Variants in MCPH1 observed in about 807,000 individuals in gnomAD.
The protein encoded by MCPH1 is microcephalin 1, also known as microcephalin.
MCPH1 carries 104 observed loss-of-function variants against 84.5 expected under a neutral mutation model. The observed-to-expected ratio is 1.23, with a 90% CI of 1.05 to 1.45. MCPH1 has a LOEUF of 1.45. MCPH1 is among the 40% of genes most tolerant of loss of function. The pLI is 0.00. For synonymous variants in MCPH1, 514 were observed against 366.8 expected (o/e 1.40, Z -4.58); for missense variants, 1,498 against 1,005.7 (o/e 1.49, Z -6.62).
chr8:6,559,054 C>T (rs1360713466), intron 12 of MCPH1, among the ~76,000 whole-genome samples: 1 of 152,134 alleles, frequency 6.6e-6, no homozygotes, highest in Non-Finnish European at 1.5e-5. Flanking sequence ...TATTTCACCA[C>T]TCAGGATGTA....
intron 13 of MCPH1, chr8:6,625,780 T>C: frequency 2.0e-6 from 2 of 982,788 alleles, no homozygotes; most frequent in Non-Finnish European, 2.4e-6. Flanking sequence ...CAAGACCCCA[T>C]CTCTAAAAAG....
intron 12 of MCPH1, among the ~76,000 whole-genome samples, chr8:6,568,950 C>T (rs1826444801): frequency 6.6e-6 from 1 of 152,144 alleles, no homozygotes; most frequent in South Asian, 2.1e-4. Flanking sequence ...GAAGCTGGGA[C>T]ACTATGTTTT....
chr8:6,488,724 C>T (rs553960974), intron 11 of MCPH1, among the ~76,000 whole-genome samples: 1 of 151,842 alleles, frequency 6.6e-6, no homozygotes, highest in African/African-American at 2.4e-5. Flanking sequence ...TAGTTCAAGA[C>T]GAGGGATGCA....
chr8:6,552,005 A>C (rs1823736404), intron 12 of MCPH1, among the ~76,000 whole-genome samples: 1 of 152,238 alleles, frequency 6.6e-6, no homozygotes, highest in African/African-American at 2.4e-5. Context: ...TACCCGGTAG[A>C]TGACCAAGAA....
At chr8:6,479,861 C>T (rs768656166) in intron 10 of MCPH1, among the ~76,000 whole-genome samples, 2 of 152,000 alleles carry the variant, frequency 1.3e-5, no homozygotes, top group Non-Finnish European at 2.9e-5. Flanking sequence ...AGGAGATAAG[C>T]CATAATGGTC....
chr8:6,409,741 G>C (rs1465085311), intron 2 of MCPH1, among the ~76,000 whole-genome samples: 2 of 152,174 alleles, frequency 1.3e-5, no homozygotes, highest in Non-Finnish European at 2.9e-5. Context: ...CAAGTCTGGA[G>C]CTTGGAGTGT....
At chr8:6,477,543 AT>A in intron 9 of MCPH1, 50 bp from the exon 10 acceptor site, 11 of 1,539,928 alleles carry the variant, frequency 7.1e-6, no homozygotes, top group Non-Finnish European at 9.0e-6. Flanking sequence ...TGGGAAAAAT[AT>A]TTTTTATGTT....
chr8:6,410,267 C>T (rs541006815), intron 2 of MCPH1, among the ~76,000 whole-genome samples: 9 of 151,978 alleles, frequency 5.9e-5, no homozygotes, highest in Non-Finnish European at 1.2e-4. Context: ...AGCCACCGAG[C>T]CCGGCCAGGA....
chr8:6,502,957 A>G, intron 12 of MCPH1: 1 of 893,962 alleles, frequency 1.1e-6, no homozygotes, highest in Non-Finnish European at 1.7e-6. Flanking sequence ...TACAGGCTCT[A>G]ATCTGGAGCA....
At position 6,642,538 on chromosome 8, in the gene MCPH1, G is replaced by C. The variant is rs183384801; in HGVS notation, c.2453-456G>C. ...AATTCCATAAAAAATACCTATGCTG[G>C]GTAGATAGGATAGCACGGCCTACCT... On this transcript the variant is annotated intron_variant, in intron 13 of 13. Coordinates refer to ENST00000344683, the MANE Select transcript of MCPH1 (RefSeq NM_024596.5). The C allele has an allele frequency of 7.4e-4, 162 of 217,772 alleles. 1 individual carries two copies. Among genetic ancestry groups the C allele is most frequent in the Middle Eastern group, 5.7e-3 (3 of 530 alleles). The allele number at this position is 217,772 out of a possible 1,614,324, so 13.5% of individuals were successfully genotyped here. A position where few individuals can be genotyped will look rare whatever the true frequency, so the allele number is the denominator to read the frequency against.
chr8:6,566,478 C>A (rs1826159880), intron 12 of MCPH1, among the ~76,000 whole-genome samples: 2 of 152,246 alleles, frequency 1.3e-5, no homozygotes, highest in African/African-American at 2.4e-5. Context: ...CGTGCAGCGA[C>A]CGTGTGTGGT....
At chr8:6,480,553 A>G (rs1809077972) in intron 10 of MCPH1, among the ~76,000 whole-genome samples, 161 bp from the exon 11 acceptor site, 1 of 152,348 alleles carries the variant, frequency 6.6e-6, no homozygotes, top group Non-Finnish European at 1.5e-5. Context: ...CCAGGTTTCA[A>G]AGCATTGATT....
rs1808110685 is a variant in MCPH1, at chr8:6,474,009, CT to C, written c.1936-3581del. ...TGGAAAATCTCACACTGAATATTGT[CT>C]TTTAGTTTCTTCTCATTATAACCCC... On this transcript the variant is annotated intron_variant, in intron 9 of 13. Coordinates refer to ENST00000344683, the MANE Select transcript of MCPH1 (RefSeq NM_024596.5). 4 of 877,196 alleles carry C rather than the reference CT, an allele frequency of 4.6e-6. No homozygotes were observed. The Admixed American group carries it at 5.7e-5, about 13-fold the overall frequency. 54.3% of individuals were successfully genotyped at this position (877,196 alleles called of 1,614,324 possible).
At chr8:6,503,115 G>T in intron 12 of MCPH1, 1 of 1,614,186 alleles carries the variant, frequency 6.2e-7, no homozygotes, top group Non-Finnish European at 8.5e-7. Flanking sequence ...AAATCTGCTG[G>T]TCGGATCATC....
chr8:6,469,469 T>C (rs1156376375), intron 9 of MCPH1, among the ~76,000 whole-genome samples: 1 of 152,182 alleles, frequency 6.6e-6, no homozygotes, highest in Non-Finnish European at 1.5e-5. Context: ...ATTTATCTTT[T>C]GTCATATTGG....
intron 6 of MCPH1, among the ~76,000 whole-genome samples, chr8:6,439,780 T>C (rs1585774148): frequency 6.6e-6 from 1 of 152,230 alleles, no homozygotes; most frequent in African/African-American, 2.4e-5. Context: ...ATTTCTTTTA[T>C]CTTTAAAATT....
At chr8:6,575,759 G>A (rs1469479807) in intron 12 of MCPH1, among the ~76,000 whole-genome samples, 1 of 152,148 alleles carries the variant, frequency 6.6e-6, no homozygotes, top group Non-Finnish European at 1.5e-5. Flanking sequence ...TTTATAAGAG[G>A]ACGGTCATGT....
intron 12 of MCPH1, among the ~76,000 whole-genome samples, chr8:6,603,179 C>T (rs1829503093): frequency 6.6e-6 from 1 of 152,070 alleles, no homozygotes; most frequent in African/African-American, 2.4e-5. Context: ...CTTTAGTATC[C>T]ATCCATGTCT....
At chr8:6,623,407 T>G (rs1320264508) in intron 13 of MCPH1, among the ~76,000 whole-genome samples, 2 of 152,016 alleles carry the variant, frequency 1.3e-5, no homozygotes, top group African/African-American at 4.8e-5. Context: ...TTTGCTTCCA[T>G]CTCCTTCCAT....
Sources: gnomAD v4.1 joint callset for allele counts (sites outside exome capture counted in the v4.1 genomes callset) on GRCh38, gnomAD v4.1.1 for gene constraint, MANE v1.5 for transcripts, NCBI Gene and HGNC (gene_info 2026-07-23, HGNC 2026-07-21) for gene names.